Variants in SMIM23 observed in about 807,000 individuals in gnomAD.
The protein encoded by SMIM23 is small integral membrane protein 23.
In SMIM23, 10 loss-of-function variants were observed where a neutral mutation model predicts 12.8. The observed-to-expected ratio is 0.78, with a 90% CI of 0.48 to 1.32. SMIM23 has a LOEUF of 1.32. SMIM23 is among the 40% of genes most tolerant of loss of function. The pLI, the probability that SMIM23 is intolerant of heterozygous loss-of-function variation, is 0.00. For synonymous variants in SMIM23, 78 were observed against 80.1 expected, an observed-to-expected ratio of 0.97 and a Z score of 0.14; for missense variants, 184 against 198.2, an observed-to-expected ratio of 0.93 and a Z score of 0.43.
upstream of SMIM23, among the ~76,000 whole-genome samples, chr5:171,779,478 T>C (rs1329767913): frequency 6.6e-6 from 1 of 152,164 alleles, no homozygotes; most frequent in Non-Finnish European, 1.5e-5. Context: ...GGGTTCTGGT[T>C]TCAGGCCCAG....
the SMIM23 span, among the ~76,000 whole-genome samples, chr5:171,776,188 T>A: frequency 1.4e-5 from 2 of 140,688 alleles, no homozygotes; most frequent in Admixed American, 1.5e-4. Context: ...GGTATTTTTA[T>A]CCCTACCTTA....
intron 1 of SMIM23, among the ~76,000 whole-genome samples, chr5:171,786,870 C>T (rs1168226843): frequency 2.0e-5 from 3 of 152,112 alleles, no homozygotes; most frequent in East Asian, 1.9e-4. Flanking sequence ...GCTGCATACC[C>T]GCATCCCCTC....
chr5:171,780,001 A>T (rs1339259000), upstream of SMIM23, among the ~76,000 whole-genome samples: 1 of 152,072 alleles, frequency 6.6e-6, no homozygotes, highest in African/African-American at 2.4e-5. Flanking sequence ...CTTTTCAGAT[A>T]ACTGAGACTT....
At chr5:171,780,462 C>G (rs1419716754), upstream of SMIM23, among the ~76,000 whole-genome samples, 1 of 152,222 alleles carries the variant, frequency 6.6e-6, no homozygotes. Context: ...ATCCTGGAAG[C>G]TCTGCCTTCC....
chr5:171,788,351 A>G (rs1375344245), intron 1 of SMIM23, among the ~76,000 whole-genome samples: 1 of 152,174 alleles, frequency 6.6e-6, no homozygotes, highest in East Asian at 1.9e-4. Context: ...AAAATTAATA[A>G]CCATTTTTAA....
the SMIM23 span, chr5:171,773,766 T>C: frequency 1.3e-5 from 6 of 456,234 alleles, no homozygotes; most frequent in South Asian, 3.1e-5. Flanking sequence ...TGCAGGAACA[T>C]AGGTCATTGT....
chr5:171,774,549 C>T, the SMIM23 span: 1 of 456,044 alleles, frequency 2.2e-6, no homozygotes, highest in Non-Finnish European at 4.4e-6. Flanking sequence ...TTTGAAGTTC[C>T]TTGCGGGTTT....
At chr5:171,779,174 C>T (rs1405322514), upstream of SMIM23, among the ~76,000 whole-genome samples, 3 of 152,182 alleles carry the variant, frequency 2.0e-5, no homozygotes, top group Non-Finnish European at 2.9e-5. Flanking sequence ...CCAACATTTA[C>T]AAGCCAGGAG....
rs562750930 is a variant in SMIM23 at position 171,790,414 on chromosome 5, T to A, written c.158-68T>A. On this transcript the variant is annotated intron_variant, in intron 2 of 3. Coordinates refer to ENST00000523047, the MANE Select transcript of SMIM23 (RefSeq NM_001289970.2). ...CCACTGACCCTTCATCACACTGGGA[T>A]AACTAACCATGTTTATTTCAATTAG... 2,102 of 1,519,604 alleles carry A rather than the reference T, an allele frequency of 1.4e-3. 3 individuals are homozygous for A. The highest frequency in any genetic ancestry group is 1.6e-3 in the Non-Finnish European group (1,757 of 1,131,762). The allele number at this position is 1,519,604 out of a possible 1,614,324, so 94.1% of individuals were successfully genotyped here.
intron 1 of SMIM23, among the ~76,000 whole-genome samples, chr5:171,788,173 AACACACACAC>A (rs10566750): frequency 6.9e-6 from 1 of 145,678 alleles, no homozygotes; most frequent in Non-Finnish European, 1.5e-5. Flanking sequence ...CACACACACA[AACACACACAC>A]ACACACACAC....
rs77983222 is a variant in SMIM23, at chr5:171,789,550, T to C, written c.106-680T>C. 6.8e-4 allele frequency among the ~76,000 whole-genome samples: 103 copies of C among 152,350 alleles called. 1 individual carries two copies. In the East Asian group the frequency reaches 0.018, roughly 27 times the overall value. On this transcript the variant is annotated intron_variant, in intron 1 of 3. Coordinates refer to ENST00000523047, the MANE Select transcript of SMIM23 (RefSeq NM_001289970.2). ...GTCCATCAACAGGTAAAGAGACTGA[T>C]TGTGCAATATTCTATGTTCATATAA...
At chr5:171,783,164 G>C (rs1018293332), upstream of SMIM23, among the ~76,000 whole-genome samples, 3 of 152,158 alleles carry the variant, frequency 2.0e-5, no homozygotes, top group Non-Finnish European at 4.4e-5. Flanking sequence ...TGAAACGGAA[G>C]ACCTAAATAA....
upstream of SMIM23, among the ~76,000 whole-genome samples, chr5:171,778,939 A>G (rs550666396): frequency 2.6e-5 from 4 of 152,214 alleles, no homozygotes; most frequent in East Asian, 7.7e-4. Context: ...CATCAAATTC[A>G]GGAGGTCCCT....
At position 171,785,850 on chromosome 5, in the gene SMIM23, C is replaced by G. The variant is rs1395109291; in HGVS notation, c.-22C>G. 1 of 1,532,858 alleles carries G rather than the reference C, an allele frequency of 6.5e-7. No homozygotes were observed. Among genetic ancestry groups the G allele is most frequent in the South Asian group, 1.2e-5 (1 of 84,012 alleles). The allele number at this position is 1,532,858 out of a possible 1,614,324, so 95.0% of individuals were successfully genotyped here. A position where few individuals can be genotyped will look rare whatever the true frequency, so the allele number is the denominator to read the frequency against. On this transcript the variant is annotated 5_prime_UTR_variant, in exon 1 of 4. Transcript: ENST00000523047. ...CTTCTGTCTGTTGAGTGTGGTCCAC[C>G]CAGGCAGCCAGATCTGAGGCCATGG... is the stretch of plus-strand genomic sequence containing the variant.
intron 3 of SMIM23, 47 bp downstream of exon 3, chr5:171,790,596 T>C: frequency 4.0e-6 from 6 of 1,515,184 alleles, no homozygotes; most frequent in Non-Finnish European, 5.3e-6. Context: ...TGGGAAGGCT[T>C]TCCAGAGGAG....
upstream of SMIM23, chr5:171,782,770 T>C (rs1755750964): frequency 1.3e-5 from 2 of 152,248 alleles, no homozygotes; most frequent in African/African-American, 4.8e-5. Flanking sequence ...GTATTTTTAC[T>C]GAACATTTAC....
At chr5:171,789,767 T>C (rs968616312) in intron 1 of SMIM23, among the ~76,000 whole-genome samples, 5 of 152,200 alleles carry the variant, frequency 3.3e-5, no homozygotes, top group African/African-American at 1.2e-4. Flanking sequence ...AGATTAATGG[T>C]TCTCTCCAGG....
upstream of SMIM23, chr5:171,782,885 G>A (rs1343209889): frequency 6.6e-6 from 1 of 152,194 alleles, no homozygotes. Flanking sequence ...CTGTAGTAAA[G>A]TAATCTAGTG....
At chr5:171,786,854 G>A (rs1452137169) in intron 1 of SMIM23, among the ~76,000 whole-genome samples, 1 of 151,984 alleles carries the variant, frequency 6.6e-6, no homozygotes, top group Admixed American at 6.6e-5. Context: ...CTGTGGCTTG[G>A]GGAAGGCTGC....
Sources: gnomAD v4.1 joint callset for allele counts (sites outside exome capture counted in the v4.1 genomes callset) on GRCh38, gnomAD v4.1.1 for gene constraint, MANE v1.5 for transcripts, NCBI Gene and HGNC (gene_info 2026-07-23, HGNC 2026-07-21) for gene names.